GALNT3: variants seen among roughly 807,000 people sequenced by gnomAD.
GALNT3 encodes GalNAc transferase 3.
In GALNT3, 51 loss-of-function variants were observed where a neutral mutation model predicts 69.8. The observed-to-expected ratio is 0.73, with a 90% CI of 0.58 to 0.92. The LOEUF is 0.92. Among genes scored for constraint, GALNT3 ranks in the 40% least tolerant of loss-of-function variants. The probability of loss-of-function intolerance (pLI) is 0.00; values close to 1 mark genes in which losing one functional copy is unlikely to be tolerated. For synonymous variants in GALNT3, 265 were observed against 248.5 expected, an observed-to-expected ratio of 1.07 and a Z score of -0.63; for missense variants, 711 against 760.0, an observed-to-expected ratio of 0.94 and a Z score of 0.76.
chr2:165,787,563 A>T (rs1166848435), intron 1 of GALNT3, among the ~76,000 whole-genome samples: 1 of 152,248 alleles, frequency 6.6e-6, no homozygotes, highest in Non-Finnish European at 1.5e-5. Flanking sequence ...GCAAAAGTCC[A>T]GGCAAGAGAT....
intron 1 of GALNT3, among the ~76,000 whole-genome samples, chr2:165,785,966 T>C (rs1683211043): frequency 6.6e-6 from 1 of 151,744 alleles, no homozygotes; most frequent in Non-Finnish European, 1.5e-5. Flanking sequence ...CTTCTAGGAT[T>C]AAAAAAAAAT....
chr2:165,774,564 CA>C (rs5836052), intron 1 of GALNT3, among the ~76,000 whole-genome samples: 2,033 of 152,198 alleles, frequency 0.013, 47 homozygotes, highest in African/African-American at 0.047. Flanking sequence ...GTAATCCTAT[CA>C]TTGTGAGTGC....
At chr2:165,751,550 TAAAAATTACA>T (rs949043864) in intron 9 of GALNT3, among the ~76,000 whole-genome samples, 6 of 151,992 alleles carry the variant, frequency 3.9e-5, no homozygotes, top group Non-Finnish European at 7.4e-5. Flanking sequence ...GTCATTAAAA[TAAAAATTACA>T]AAAAATGGAA....
chr2:165,764,240 C>T (rs763601224), intron 3 of GALNT3, among the ~76,000 whole-genome samples: 3 of 151,720 alleles, frequency 2.0e-5, no homozygotes, highest in East Asian at 1.9e-4. Flanking sequence ...TTAAGAACAC[C>T]GAAATAAAAT....
chr2:165,779,875 GC>G (rs1173590338), intron 1 of GALNT3, among the ~76,000 whole-genome samples: 6 of 152,134 alleles, frequency 3.9e-5, no homozygotes, highest in African/African-American at 1.4e-4. Flanking sequence ...TATTCACCAT[GC>G]CCTTAAGCAT....
intron 1 of GALNT3, among the ~76,000 whole-genome samples, chr2:165,786,944 A>G (rs950596687): frequency 5.3e-5 from 8 of 152,238 alleles, no homozygotes; most frequent in African/African-American, 1.7e-4. Context: ...TATTATGAGA[A>G]TAAATATAAA....
At chr2:165,770,830 G>T in intron 1 of GALNT3, 22 bp from the exon 2 acceptor site, 1 of 986,282 alleles carries the variant, frequency 1.0e-6, no homozygotes, top group Non-Finnish European at 1.5e-6. Flanking sequence ...AATGATCGAT[G>T]GTATTAGTAG....
chr2:165,754,776 T>C, intron 8 of GALNT3, 48 bp from the exon 9 acceptor site: 2 of 1,406,718 alleles, frequency 1.4e-6, no homozygotes, highest in Non-Finnish European at 9.8e-7. Flanking sequence ...TCCATGTGAT[T>C]TATATATTTT....
At chr2:165,781,360 T>C (rs1255412981) in intron 1 of GALNT3, among the ~76,000 whole-genome samples, 1 of 152,054 alleles carries the variant, frequency 6.6e-6, no homozygotes, top group Non-Finnish European at 1.5e-5. Context: ...ACAGCACTAC[T>C]GAGGTAGGCG....
chr2:165,783,397 A>C (rs543049502), intron 1 of GALNT3, among the ~76,000 whole-genome samples: 72 of 152,288 alleles, frequency 4.7e-4, no homozygotes, highest in Non-Finnish European at 6.0e-4. Context: ...TTGAGGCCCC[A>C]AAAATATTAA....
chr2:165,793,303 A>G (rs1683390934), intron 1 of GALNT3, among the ~76,000 whole-genome samples: 1 of 152,144 alleles, frequency 6.6e-6, no homozygotes, highest in Admixed American at 6.5e-5. Context: ...CGAGATGGTG[A>G]GTGGTTGGTG....
At chr2:165,753,555 G>A (rs563729089) in intron 9 of GALNT3, among the ~76,000 whole-genome samples, 2 of 152,246 alleles carry the variant, frequency 1.3e-5, no homozygotes, top group East Asian at 3.9e-4. Flanking sequence ...AGGAGTTAGA[G>A]TCTAAATAGC....
chr2:165,767,372 T>G (rs768648535), intron 2 of GALNT3, among the ~76,000 whole-genome samples: 26 of 152,154 alleles, frequency 1.7e-4, no homozygotes, highest in Non-Finnish European at 3.7e-4. Context: ...ATGTGGTTAA[T>G]TAATATAGTA....
chr2:165,791,842 G>C (rs1490097197), intron 1 of GALNT3, among the ~76,000 whole-genome samples: 1 of 152,202 alleles, frequency 6.6e-6, no homozygotes, highest in Non-Finnish European at 1.5e-5. Flanking sequence ...AGAGGAGCAT[G>C]ATGCCTTCAC....
chr2:165,767,875 TTTTTTTTTTTTTTTTTTGAGACAGA>T (rs928587654), intron 2 of GALNT3, among the ~76,000 whole-genome samples: 7 of 142,614 alleles, frequency 4.9e-5, no homozygotes, highest in African/African-American at 1.6e-4. Flanking sequence ...AAATCTTTTT[TTTTTTTTTTTTTTTTTTGAGACAGA>T]GTCTTGCTCT....
At chr2:165,769,528 T>C (rs189338468) in intron 2 of GALNT3, among the ~76,000 whole-genome samples, 2 of 150,872 alleles carry the variant, frequency 1.3e-5, no homozygotes, top group Admixed American at 1.3e-4. Context: ...CCAAGGCAGA[T>C]GGATCACCTG....
In GALNT3 at chr2:165,770,826, C is replaced by G. The variant is rs1421218254; in HGVS notation, c.-108-18G>C. On this transcript the variant is annotated intron_variant, in intron 1 of 10. Coordinates refer to ENST00000392701, the MANE Select transcript of GALNT3 (RefSeq NM_004482.4). ...GGTAGTACCTATAAACAGAAATGAT[C>G]GATGGTATTAGTAGCTATTCAGTCC... 9.6e-7 allele frequency: 1 copy of G among 1,046,052 alleles called. No homozygotes were observed. The highest frequency in any genetic ancestry group is 1.4e-6 in the Non-Finnish European group (1 of 724,208). 64.8% of individuals were successfully genotyped at this position (1,046,052 alleles called of 1,614,324 possible).
chr2:165,781,097 T>C (rs148718707), intron 1 of GALNT3, among the ~76,000 whole-genome samples: 1 of 152,180 alleles, frequency 6.6e-6, no homozygotes, highest in Non-Finnish European at 1.5e-5. Flanking sequence ...AGAGGCTCCA[T>C]AGAGCATTCC....
chr2:165,791,924 C>T (rs1436848178), intron 1 of GALNT3, among the ~76,000 whole-genome samples: 1 of 151,798 alleles, frequency 6.6e-6, no homozygotes, highest in Non-Finnish European at 1.5e-5. Context: ...GAAGAAAGAG[C>T]AATGGACAAT....
Sources: gnomAD v4.1 joint callset for allele counts (sites outside exome capture counted in the v4.1 genomes callset) on GRCh38, gnomAD v4.1.1 for gene constraint, MANE v1.5 for transcripts, NCBI Gene and HGNC (gene_info 2026-07-23, HGNC 2026-07-21) for gene names.